Variants in ROBO2 observed in about 807,000 individuals in gnomAD.
ROBO2 encodes roundabout homolog 2.
ROBO2 carries 53 observed loss-of-function variants against 160.8 expected under a neutral mutation model. The ratio of observed to expected loss-of-function variants is 0.33; its 90% CI spans 0.26 to 0.41. The LOEUF (loss-of-function observed/expected upper bound fraction) is 0.41. Ranked by LOEUF, ROBO2 falls within the 10% of genes least tolerant of loss-of-function variation. The pLI is 1.00. For synonymous variants in ROBO2, 664 were observed against 611.7 expected (o/e 1.09, Z -1.26); for missense variants, 1,577 against 1,722.4 (o/e 0.92, Z 1.49).
intron 22 of ROBO2, among the ~76,000 whole-genome samples, chr3:77,621,763 G>T (rs1321604841): frequency 1.3e-5 from 2 of 152,124 alleles, no homozygotes; most frequent in African/African-American, 4.8e-5. Flanking sequence ...ATGTGTTCAG[G>T]GTTGGGAGGT....
chr3:77,222,002 G>A (rs578245594), intron 2 of ROBO2, among the ~76,000 whole-genome samples: 268 of 151,440 alleles, frequency 1.8e-3, no homozygotes, highest in Non-Finnish European at 3.1e-3. Flanking sequence ...ATAGCCACCC[G>A]CCACTACTCC....
intron 2 of ROBO2, among the ~76,000 whole-genome samples, chr3:76,849,511 A>C (rs1377615437): frequency 6.6e-6 from 1 of 152,250 alleles, no homozygotes; most frequent in African/African-American, 2.4e-5. Context: ...TCAGATTTCA[A>C]AACCAAAAAT....
In ROBO2 at chr3:76,476,592, T is replaced by C. The variant is rs568523465; in HGVS notation, c.109+538990T>C. On this transcript the variant is annotated intron_variant, in intron 2 of 26. Transcript: ENST00000487694. ...GGATAAAATTTAGTCACTCCTCTGT[T>C]CCTGCGCTGTACCACTGTTCAATCC... 4.6e-5 allele frequency among the ~76,000 whole-genome samples: 7 copies of C among 152,286 alleles called. No individual in the cohort carries two copies. The South Asian group carries it at 1.5e-3, about 32-fold the overall frequency.
At chr3:77,381,699 A>T (rs1311843478) in intron 2 of ROBO2, among the ~76,000 whole-genome samples, 2 of 152,350 alleles carry the variant, frequency 1.3e-5, no homozygotes, top group East Asian at 3.9e-4. Context: ...AAATGACTTC[A>T]GGCAAGGGTA....
At chr3:76,963,254 TTTC>T (rs1261509827) in intron 2 of ROBO2, among the ~76,000 whole-genome samples, 1 of 152,168 alleles carries the variant, frequency 6.6e-6, no homozygotes. Context: ...TAGGATCAAT[TTTC>T]TTCATTTATA....
chr3:76,922,830 G>T (rs1238375640), intron 2 of ROBO2, among the ~76,000 whole-genome samples: 1 of 152,098 alleles, frequency 6.6e-6, no homozygotes, highest in Non-Finnish European at 1.5e-5. Flanking sequence ...AGAGCTTTTG[G>T]TACCCTTAGA....
At chr3:76,773,740 G>A (rs2108525343) in intron 2 of ROBO2, among the ~76,000 whole-genome samples, 1 of 150,656 alleles carries the variant, frequency 6.6e-6, no homozygotes, top group East Asian at 2.0e-4. Context: ...AGACCACTGA[G>A]ATCAAATTTG....
At chr3:77,632,632 G>A (rs1355652934) in intron 23 of ROBO2, 1 of 1,535,338 alleles carries the variant, frequency 6.5e-7, no homozygotes, top group African/African-American at 1.4e-5. Context: ...TTTTAGGCTG[G>A]ATGGAACCAG....
intron 2 of ROBO2, among the ~76,000 whole-genome samples, chr3:77,300,993 C>T (rs192981254): frequency 2.6e-5 from 4 of 151,870 alleles, no homozygotes; most frequent in South Asian, 2.1e-4. Flanking sequence ...CTCAGCCTCC[C>T]GAGTAGCTGG....
intron 2 of ROBO2, among the ~76,000 whole-genome samples, chr3:76,472,627 T>C (rs1299259448): frequency 6.6e-6 from 1 of 152,212 alleles, no homozygotes; most frequent in East Asian, 1.9e-4. Context: ...AAAATTAATC[T>C]TTAATTTTTT....
intron 2 of ROBO2, among the ~76,000 whole-genome samples, chr3:76,118,498 TGGA>T (rs1260355839): frequency 6.6e-6 from 1 of 152,190 alleles, no homozygotes; most frequent in Non-Finnish European, 1.5e-5. Context: ...TAACATATGA[TGGA>T]GATGAGATTC....
intron 2 of ROBO2, among the ~76,000 whole-genome samples, chr3:76,780,762 A>G (rs952540694): frequency 2.7e-5 from 4 of 150,506 alleles, no homozygotes; most frequent in African/African-American, 9.7e-5. Context: ...TGGAATTTCT[A>G]TTTTGTTCCA....
chr3:76,699,364 A>G (rs1303806905), intron 2 of ROBO2, among the ~76,000 whole-genome samples: 1 of 152,104 alleles, frequency 6.6e-6, no homozygotes, highest in Non-Finnish European at 1.5e-5. Context: ...AGTTTAGGGG[A>G]AGGGAATTTT....
intron 2 of ROBO2, among the ~76,000 whole-genome samples, chr3:76,342,684 G>T (rs535462572): frequency 6.6e-6 from 1 of 152,064 alleles, no homozygotes; most frequent in East Asian, 1.9e-4. Context: ...GCAAGACAGA[G>T]AAAAAAATCA....
At chr3:77,229,787 AT>A (rs2086940633) in intron 2 of ROBO2, among the ~76,000 whole-genome samples, 1 of 151,882 alleles carries the variant, frequency 6.6e-6, no homozygotes, top group Non-Finnish European at 1.5e-5. Context: ...TGTGCTGCCA[AT>A]TTTTCTTCCT....
intron 2 of ROBO2, among the ~76,000 whole-genome samples, chr3:77,350,121 T>C (rs1004846908): frequency 3.3e-5 from 5 of 151,366 alleles, no homozygotes; most frequent in African/African-American, 9.7e-5. Flanking sequence ...TATATATATA[T>C]ACATATGCCG....
intron 2 of ROBO2, among the ~76,000 whole-genome samples, chr3:77,248,126 A>T (rs966841132): frequency 1.3e-5 from 2 of 152,158 alleles, no homozygotes; most frequent in African/African-American, 2.4e-5. Context: ...GGGACAGCTT[A>T]ACGGTGTAGC....
At chr3:77,176,936 T>C (rs947409825) in intron 2 of ROBO2, among the ~76,000 whole-genome samples, 12 of 151,956 alleles carry the variant, frequency 7.9e-5, no homozygotes, top group African/African-American at 2.7e-4. Flanking sequence ...ATAAAAATGT[T>C]GAGTACTTAT....
intron 2 of ROBO2, among the ~76,000 whole-genome samples, chr3:76,404,401 T>C (rs1029068790): frequency 7.3e-5 from 11 of 151,564 alleles, no homozygotes; most frequent in African/African-American, 1.9e-4. Context: ...AGCAGTTAAT[T>C]TGGAAGAAAT....
Sources: allele counts gnomAD v4.1 joint callset (sites outside exome capture counted in the v4.1 genomes callset), GRCh38; gene constraint gnomAD v4.1.1; transcripts MANE v1.5; gene names NCBI Gene and HGNC (gene_info 2026-07-23, HGNC 2026-07-21).